The following ANK2 variants were observed in gnomAD, a reference collection of about 807,000 sequenced individuals.
ANK2 encodes ankyrin-2.
Under a neutral mutation model 360.5 loss-of-function variants are expected in ANK2, and 83 were observed. That is an observed-to-expected ratio of 0.23 (90% confidence interval 0.19 to 0.28). ANK2 has a LOEUF of 0.28. Ranked by LOEUF, ANK2 falls within the 10% of genes least tolerant of loss-of-function variation. The pLI is 1.00. For missense variants in ANK2, 4,201 were observed against 4,795.7 expected, an observed-to-expected ratio of 0.88 and a Z score of 3.66; for synonymous variants, 1,740 against 1,759.5, an observed-to-expected ratio of 0.99 and a Z score of 0.28.
intron 1 of ANK2, among the ~76,000 whole-genome samples, chr4:113,113,818 C>A (rs1046730693): frequency 6.6e-6 from 1 of 152,066 alleles, no homozygotes; most frequent in African/African-American, 2.4e-5. Context: ...AGAACTGATA[C>A]CAATTATTTT....
chr4:113,318,633 A>G lies in ANK2; in HGVS notation c.2900+13A>G, dbSNP rs371563633. The G allele has an allele frequency of 2.5e-6, 4 of 1,583,960 alleles. No individual in the cohort carries two copies. The highest frequency in any genetic ancestry group is 3.5e-6 in the Non-Finnish European group (4 of 1,155,962). On this transcript the variant is annotated intron_variant, in intron 26 of 45. Transcript: ENST00000357077. ...CTATTCATTCAGGGTGAGTAAATCAATATTATGTATCCTGATCAAGAGGTA... is the reference window on the plus strand; with the variant it reads ...CTATTCATTCAGGGTGAGTAAATCAGTATTATGTATCCTGATCAAGAGGTA...
chr4:113,380,143 G>A (rs1251348645), intron 45 of ANK2, among the ~76,000 whole-genome samples: 1 of 151,910 alleles, frequency 6.6e-6, no homozygotes, highest in Non-Finnish European at 1.5e-5. Context: ...TCAAATACTT[G>A]TGGAATGAGG....
chr4:112,873,701 TA>T (rs1205059504), intron 1 of ANK2, among the ~76,000 whole-genome samples: 2 of 147,766 alleles, frequency 1.4e-5, no homozygotes, highest in African/African-American at 2.6e-5. Context: ...CACGCTTGGC[TA>T]TTTTTTTTTT....
At chr4:112,764,031 C>T in the ANK2 span, among the ~76,000 whole-genome samples, 1 of 152,080 alleles carries the variant, frequency 6.6e-6, no homozygotes, top group African/African-American at 2.4e-5. Flanking sequence ...GCAACCTCCG[C>T]CTCCCTGGTT....
intron 42 of ANK2, among the ~76,000 whole-genome samples, chr4:113,368,477 G>A (rs904266678): frequency 3.3e-5 from 5 of 152,200 alleles, no homozygotes; most frequent in Admixed American, 2.0e-4. Context: ...GAAGCCTTCC[G>A]AAGAGCTTCT....
At chr4:112,880,901 C>T (rs910372074) in intron 1 of ANK2, 1 of 152,180 alleles carries the variant, frequency 6.6e-6, no homozygotes, top group Non-Finnish European at 1.5e-5. Context: ...TCTTCCTAGA[C>T]AATCCCTCAA....
chr4:113,123,732 T>C (rs994417738), intron 1 of ANK2, among the ~76,000 whole-genome samples: 5 of 152,166 alleles, frequency 3.3e-5, no homozygotes, highest in African/African-American at 1.2e-4. Context: ...ATAATCCATA[T>C]ATTTTTAAAG....
At chr4:112,721,049 C>A in the ANK2 span, among the ~76,000 whole-genome samples, 1 of 152,108 alleles carries the variant, frequency 6.6e-6, no homozygotes, top group African/African-American at 2.4e-5. Flanking sequence ...AAAATATAAT[C>A]CCAGAACCCC....
chr4:113,215,329 G>C (rs887604604), intron 4 of ANK2, among the ~76,000 whole-genome samples: 1 of 152,082 alleles, frequency 6.6e-6, no homozygotes, highest in African/African-American at 2.4e-5. Context: ...TTACTACAGA[G>C]GGTTGATATA....
intron 32 of ANK2, among the ~76,000 whole-genome samples, chr4:113,341,186 G>C (rs1375924720): frequency 6.6e-6 from 1 of 152,176 alleles, no homozygotes; most frequent in Non-Finnish European, 1.5e-5. Context: ...TTGGTGATTA[G>C]AGTTCCATGG....
At chr4:113,315,749 A>C (rs1056045336) in intron 24 of ANK2, among the ~76,000 whole-genome samples, 2 of 151,654 alleles carry the variant, frequency 1.3e-5, no homozygotes, top group African/African-American at 2.4e-5. Context: ...ATACAAAAAA[A>C]TTAGCCAGGC....
At chr4:113,141,153 A>T (rs542045088) in intron 1 of ANK2, 2 of 152,322 alleles carry the variant, frequency 1.3e-5, no homozygotes, top group East Asian at 3.9e-4. Flanking sequence ...CATGTAAAAG[A>T]TGTGGCAGGG....
chr4:113,029,942 T>G (rs963082819), intron 2 of ANK2, among the ~76,000 whole-genome samples: 6 of 152,268 alleles, frequency 3.9e-5, no homozygotes, highest in Admixed American at 2.0e-4. Context: ...TTGTTCTATT[T>G]GACATTGGAA....
At chr4:112,788,329 C>A in the ANK2 span, 1 of 1,553,746 alleles carries the variant, frequency 6.4e-7, no homozygotes, top group South Asian at 1.1e-5. Context: ...TTGCCTTCCT[C>A]TTGATAATGC....
intron 2 of ANK2, among the ~76,000 whole-genome samples, chr4:113,012,276 A>T (rs1650038702): frequency 6.6e-6 from 1 of 152,160 alleles, no homozygotes; most frequent in Admixed American, 6.5e-5. Flanking sequence ...GGCCATGTTG[A>T]CAGATTTCTG....
the ANK2 span, among the ~76,000 whole-genome samples, chr4:112,727,503 T>G: frequency 6.6e-6 from 1 of 151,484 alleles, no homozygotes; most frequent in Non-Finnish European, 1.5e-5. Context: ...ATTATTAGAC[T>G]AGAAATAAAT....
intron 1 of ANK2, among the ~76,000 whole-genome samples, chr4:112,892,909 C>A (rs1349490480): frequency 6.6e-6 from 1 of 152,116 alleles, no homozygotes; most frequent in Admixed American, 6.5e-5. Context: ...TTAGGATGGC[C>A]TTTAGGATGC....
At chr4:113,045,195 T>C (rs1229035860), upstream of ANK2, among the ~76,000 whole-genome samples, 1 of 152,186 alleles carries the variant, frequency 6.6e-6, no homozygotes. Flanking sequence ...ACACTCATGG[T>C]TTAATAAAAT....
At chr4:112,755,477 C>T in the ANK2 span, among the ~76,000 whole-genome samples, 12 of 152,238 alleles carry the variant, frequency 7.9e-5, no homozygotes, top group African/African-American at 2.9e-4. Flanking sequence ...ATCATTAGTT[C>T]TTACAGGTTT....
Sources: gnomAD v4.1 joint callset for allele counts (sites outside exome capture counted in the v4.1 genomes callset) on GRCh38, gnomAD v4.1.1 for gene constraint, MANE v1.5 for transcripts, NCBI Gene and HGNC (gene_info 2026-07-23, HGNC 2026-07-21) for gene names.